The following SHB variants were observed in gnomAD, a reference collection of about 807,000 sequenced individuals.
SHB encodes SH2 domain containing adaptor protein B.
In SHB, 20 loss-of-function variants were observed where a neutral mutation model predicts 52.3. The observed-to-expected ratio is 0.38, with a 90% CI of 0.27 to 0.56. The LOEUF (loss-of-function observed/expected upper bound fraction) is 0.56. SHB is among the 20% of genes least tolerant of loss of function. The pLI, the probability that SHB is intolerant of heterozygous loss-of-function variation, is 0.71. For missense variants in SHB, 825 were observed against 723.3 expected (o/e 1.14, Z -1.61); for synonymous variants, 397 against 316.5 (o/e 1.25, Z -2.70).
chr9:37,921,048 A>G (rs1410004463), intron 5 of SHB, among the ~76,000 whole-genome samples: 1 of 152,002 alleles, frequency 6.6e-6, no homozygotes, highest in Non-Finnish European at 1.5e-5. Flanking sequence ...GCCACACTGG[A>G]TCCCTCACCC....
chr9:37,999,076 G>A (rs1038723675), intron 2 of SHB, among the ~76,000 whole-genome samples: 1 of 152,196 alleles, frequency 6.6e-6, no homozygotes, highest in African/African-American at 2.4e-5. Flanking sequence ...CGTTTACACA[G>A]GAAAGCAAGT....
intron 5 of SHB, among the ~76,000 whole-genome samples, chr9:37,928,474 G>A (rs751102178): frequency 6.6e-5 from 10 of 152,188 alleles, no homozygotes; most frequent in South Asian, 4.1e-4. Context: ...GGGAATACTC[G>A]CAATGTCTTG....
intron 3 of SHB, among the ~76,000 whole-genome samples, chr9:37,964,792 T>C (rs934766691): frequency 6.6e-6 from 1 of 152,116 alleles, no homozygotes; most frequent in African/African-American, 2.4e-5. Context: ...CAGTGCATAG[T>C]ACCGCCCCCA....
chr9:37,925,511 T>C (rs192555865), intron 5 of SHB, among the ~76,000 whole-genome samples: 16 of 152,318 alleles, frequency 1.1e-4, no homozygotes, highest in Non-Finnish European at 1.8e-4. Context: ...AAAGGACTTA[T>C]TCCTGAGGCC....
intron 3 of SHB, among the ~76,000 whole-genome samples, chr9:37,970,249 C>A (rs758935186): frequency 6.6e-6 from 1 of 152,198 alleles, no homozygotes; most frequent in Admixed American, 6.5e-5. Context: ...GCTGTTTGGA[C>A]GGCTCCAAGT....
At chr9:38,038,342 G>C (rs1821516731) in intron 1 of SHB, among the ~76,000 whole-genome samples, 1 of 152,170 alleles carries the variant, frequency 6.6e-6, no homozygotes, top group Non-Finnish European at 1.5e-5. Flanking sequence ...CTCCACGTGT[G>C]CACTGCACTT....
intron 1 of SHB, among the ~76,000 whole-genome samples, chr9:38,034,206 A>C (rs1821453624): frequency 6.6e-6 from 1 of 152,198 alleles, no homozygotes; most frequent in South Asian, 2.1e-4. Flanking sequence ...CTGCAGGTAG[A>C]CAGGAGGAAG....
chr9:38,036,521 T>C lies in SHB; in HGVS notation c.718-20390A>G, dbSNP rs534373277. ...GGAACCCCCAGAGCCCTTGGGAATGTTGCAAGAGCTTGGCTGAGGCTGGGT... is the reference window on the plus strand; with the variant it reads ...GGAACCCCCAGAGCCCTTGGGAATGCTGCAAGAGCTTGGCTGAGGCTGGGT... On this transcript the variant is annotated intron_variant, in intron 1 of 5. Transcript: ENST00000377707. Among the ~76,000 whole-genome samples, 353 of 152,336 alleles carry C rather than the reference T, an allele frequency of 2.3e-3. 2 individuals carry two copies. The highest frequency in any genetic ancestry group is 8.1e-3 in the African/African-American group (337 of 41,572).
At chr9:37,951,327 T>C (rs1041699376) in intron 4 of SHB, among the ~76,000 whole-genome samples, 6 of 152,190 alleles carry the variant, frequency 3.9e-5, no homozygotes, top group African/African-American at 1.4e-4. Context: ...GAATGTGAAG[T>C]TGGGGTATGC....
chr9:38,047,307 T>C (rs1413018716), intron 1 of SHB, among the ~76,000 whole-genome samples: 1 of 152,256 alleles, frequency 6.6e-6, no homozygotes, highest in Non-Finnish European at 1.5e-5. Context: ...GAGTATAGCA[T>C]ACAGTAAGTG....
intron 3 of SHB, among the ~76,000 whole-genome samples, chr9:37,965,239 C>A (rs897355998): frequency 3.3e-5 from 5 of 152,208 alleles, no homozygotes; most frequent in African/African-American, 1.2e-4. Context: ...GTACTGGCCA[C>A]AAATATGGCT....
intron 1 of SHB, among the ~76,000 whole-genome samples, chr9:38,058,021 C>T (rs1411282243): frequency 6.6e-6 from 1 of 152,270 alleles, no homozygotes; most frequent in African/African-American, 2.4e-5. Flanking sequence ...CAATTTCAGA[C>T]TAGTGGCAGG....
intron 5 of SHB, among the ~76,000 whole-genome samples, chr9:37,944,090 G>A (rs569336883): frequency 1.0e-3 from 159 of 152,338 alleles, no homozygotes; most frequent in African/African-American, 3.5e-3. Context: ...ATGAGTTGGC[G>A]GGCAGCCAAG....
intron 1 of SHB, among the ~76,000 whole-genome samples, chr9:38,030,770 C>T (rs1821403372): frequency 6.6e-6 from 1 of 152,130 alleles, no homozygotes; most frequent in African/African-American, 2.4e-5. Context: ...CCCCAAACAC[C>T]AACATCCAGA....
intron 3 of SHB, among the ~76,000 whole-genome samples, chr9:37,967,930 A>G (rs1332824375): frequency 5.3e-5 from 8 of 152,234 alleles, no homozygotes; most frequent in Admixed American, 6.5e-5. Context: ...GGAGGGACTG[A>G]GTAAAGAATG....
intron 5 of SHB, among the ~76,000 whole-genome samples, chr9:37,929,047 G>A (rs1832282921): frequency 1.3e-5 from 2 of 152,254 alleles, no homozygotes; most frequent in African/African-American, 4.8e-5. Context: ...TGGAGAGGGG[G>A]GTGGGCCTTG....
intron 1 of SHB, among the ~76,000 whole-genome samples, chr9:38,032,296 C>G (rs962011820): frequency 2.6e-5 from 4 of 152,204 alleles, no homozygotes; most frequent in African/African-American, 9.7e-5. Flanking sequence ...TCTAGGAACC[C>G]TGCCAAGGCC....
intron 5 of SHB, among the ~76,000 whole-genome samples, chr9:37,921,006 G>A (rs1267828729): frequency 6.6e-6 from 1 of 152,120 alleles, no homozygotes; most frequent in African/African-American, 2.4e-5. Context: ...CCTAGCCCCA[G>A]CAGACCTCTC....
chr9:38,008,332 T>C (rs1821096067), intron 2 of SHB, among the ~76,000 whole-genome samples: 1 of 152,252 alleles, frequency 6.6e-6, no homozygotes. Context: ...CCCACAGCTC[T>C]GCGGGTGAGC....
Sources: gnomAD v4.1 joint callset for allele counts (sites outside exome capture counted in the v4.1 genomes callset) on GRCh38, gnomAD v4.1.1 for gene constraint, MANE v1.5 for transcripts, NCBI Gene and HGNC (gene_info 2026-07-23, HGNC 2026-07-21) for gene names.